ULK4: variants seen among roughly 807,000 people sequenced by gnomAD.
ULK4 encodes inactive serine/threonine-protein kinase ULK4.
Under a neutral mutation model 160.6 loss-of-function variants are expected in ULK4, and 133 were observed. The ratio of observed to expected loss-of-function variants is 0.83; its 90% confidence interval spans 0.72 to 0.96. ULK4 has a LOEUF of 0.96. Among genes scored for constraint, ULK4 ranks in the 40% least tolerant of loss-of-function variants. ULK4 has a pLI of 0.00. For missense variants in ULK4, 1,580 were observed against 1,499.5 expected, an observed-to-expected ratio of 1.05 and a Z score of -0.89; for synonymous variants, 534 against 539.8, an observed-to-expected ratio of 0.99 and a Z score of 0.15.
intron 35 of ULK4, among the ~76,000 whole-genome samples, chr3:41,308,790 T>C (rs935586309): frequency 6.6e-6 from 1 of 151,888 alleles, no homozygotes; most frequent in African/African-American, 2.4e-5. Context: ...GGATTAGACA[T>C]GCTCAAGCCA....
chr3:41,932,032 A>C (rs779914467), intron 4 of ULK4, 26 bp from the exon 5 acceptor site: 1 of 1,600,394 alleles, frequency 6.2e-7, no homozygotes, highest in Admixed American at 1.7e-5. Context: ...AAATGTTTTC[A>C]GAAAAAAAAT....
At chr3:41,845,726 A>G (rs893110711) in intron 17 of ULK4, among the ~76,000 whole-genome samples, 8 of 152,168 alleles carry the variant, frequency 5.3e-5, no homozygotes, top group Non-Finnish European at 1.0e-4. Context: ...GAGAGAAACT[A>G]TTATTATTCT....
At chr3:41,620,766 G>T (rs1456310490) in intron 30 of ULK4, among the ~76,000 whole-genome samples, 1 of 152,098 alleles carries the variant, frequency 6.6e-6, no homozygotes, top group Non-Finnish European at 1.5e-5. Context: ...TTCTGGCTGG[G>T]GCAATCAGGC....
At chr3:41,924,394 C>T (rs1223656165) in intron 5 of ULK4, among the ~76,000 whole-genome samples, 2 of 152,160 alleles carry the variant, frequency 1.3e-5, no homozygotes, top group South Asian at 2.1e-4. Flanking sequence ...GCTGATTCTG[C>T]CCTGCTGGTT....
chr3:41,669,601 T>G (rs763256278), intron 29 of ULK4, among the ~76,000 whole-genome samples: 8 of 152,110 alleles, frequency 5.3e-5, no homozygotes, highest in Non-Finnish European at 8.8e-5. Context: ...TCCCTAGAGA[T>G]TCTACAAAAG....
chr3:41,743,419 CT>C (rs1256455850), intron 22 of ULK4, among the ~76,000 whole-genome samples: 1 of 151,326 alleles, frequency 6.6e-6, no homozygotes, highest in Non-Finnish European at 1.5e-5. Context: ...AAAAAGTAAC[CT>C]TTTTTTCCAA....
intron 32 of ULK4, among the ~76,000 whole-genome samples, chr3:41,536,072 C>T (rs951211949): frequency 6.6e-6 from 1 of 152,188 alleles, no homozygotes; most frequent in African/African-American, 2.4e-5. Context: ...ATGCCACATC[C>T]CACCCACTCC....
chr3:41,528,537 A>G (rs1239805984), intron 32 of ULK4, among the ~76,000 whole-genome samples: 1 of 152,208 alleles, frequency 6.6e-6, no homozygotes, highest in Non-Finnish European at 1.5e-5. Flanking sequence ...TATTATGGCC[A>G]CTTTACAATC....
rs550097437 is a variant in ULK4 at position 41,910,864 on chromosome 3, A to C, written c.1085+453T>G. Among the ~76,000 whole-genome samples the C allele has an allele frequency of 3.4e-4, 51 of 152,088 alleles. No individual in the cohort carries two copies. The South Asian group carries it at 9.8e-3, about 29-fold the overall frequency. On this transcript the variant is annotated intron_variant, in intron 11 of 36. Coordinates refer to ENST00000301831, the MANE Select transcript of ULK4 (RefSeq NM_017886.4). ...TGTAGTCATAGCTACTTGAGAGGCTAAAGTGGCAAGATCACTTGAATCCAG... is the reference window on the plus strand; with the variant it reads ...TGTAGTCATAGCTACTTGAGAGGCTCAAGTGGCAAGATCACTTGAATCCAG...
At chr3:41,571,801 A>G (rs981851437) in intron 31 of ULK4, among the ~76,000 whole-genome samples, 11 of 152,182 alleles carry the variant, frequency 7.2e-5, no homozygotes, top group Admixed American at 3.9e-4. Flanking sequence ...CTTGAAACAT[A>G]TATTTTTCCA....
intron 2 of ULK4, among the ~76,000 whole-genome samples, chr3:41,950,001 G>A (rs1276987838): frequency 2.0e-5 from 3 of 151,950 alleles, no homozygotes; most frequent in Admixed American, 2.0e-4. Flanking sequence ...CTCTCAAAGT[G>A]CTGGGATTAT....
intron 8 of ULK4, 63 bp downstream of exon 8, chr3:41,915,914 G>T: frequency 1.8e-6 from 2 of 1,099,978 alleles, no homozygotes; most frequent in South Asian, 1.4e-5. Flanking sequence ...TTAAAATACT[G>T]CCCCTTACTC....
At position 41,673,294 on chromosome 3, in the gene ULK4, C is replaced by A. The variant is rs577234418; in HGVS notation, c.2978+8214G>T. Reference sequence around the variant, plus strand: ...GAGACAAAGAAGCAATACAGAACCACCCCGATGTCCTTTGAGCCACAAATA... The same window carrying A: ...GAGACAAAGAAGCAATACAGAACCAACCCGATGTCCTTTGAGCCACAAATA... On this transcript the variant is annotated intron_variant, in intron 29 of 36. Transcript: ENST00000301831. Among the ~76,000 whole-genome samples the A allele has an allele frequency of 8.9e-4, 136 of 152,178 alleles. 2 individuals are homozygous for A. The highest frequency in any genetic ancestry group is 3.1e-3 in the African/African-American group (130 of 41,516).
intron 19 of ULK4, among the ~76,000 whole-genome samples, chr3:41,804,046 C>T (rs1279733948): frequency 6.6e-6 from 1 of 152,058 alleles, no homozygotes. Flanking sequence ...TTCTAGATCG[C>T]TCAGGAATTG....
chr3:41,773,292 C>T (rs1348169108), intron 21 of ULK4, among the ~76,000 whole-genome samples: 1 of 152,194 alleles, frequency 6.6e-6, no homozygotes, highest in Admixed American at 6.5e-5. Context: ...TCCCTGTTTG[C>T]AGATGACTTG....
intron 18 of ULK4, among the ~76,000 whole-genome samples, chr3:41,821,326 C>A (rs2041136761): frequency 2.0e-5 from 3 of 148,954 alleles, no homozygotes; most frequent in Admixed American, 2.0e-4. Context: ...CCTCAGGGGA[C>A]CTTCAACATC....
chr3:41,717,022 G>A (rs1458266362), intron 23 of ULK4, among the ~76,000 whole-genome samples: 1 of 152,096 alleles, frequency 6.6e-6, no homozygotes, highest in East Asian at 1.9e-4. Context: ...AAAATGGAAA[G>A]ACAGATAACA....
intron 32 of ULK4, among the ~76,000 whole-genome samples, chr3:41,508,770 G>A (rs2085479114): frequency 6.6e-6 from 1 of 152,104 alleles, no homozygotes; most frequent in Admixed American, 6.5e-5. Flanking sequence ...CTAGGGGAAG[G>A]GTGAGAACAG....
At chr3:41,642,985 T>C (rs1032443764) in intron 30 of ULK4, among the ~76,000 whole-genome samples, 1 of 152,248 alleles carries the variant, frequency 6.6e-6, no homozygotes, top group Admixed American at 6.5e-5. Flanking sequence ...TGCATAAATG[T>C]CTCCTTTTGA....
Sources: allele counts gnomAD v4.1 joint callset (sites outside exome capture counted in the v4.1 genomes callset), GRCh38; gene constraint gnomAD v4.1.1; transcripts MANE v1.5; gene names NCBI Gene and HGNC (gene_info 2026-07-23, HGNC 2026-07-21).